HS6ST3: variants seen among roughly 807,000 people sequenced by gnomAD.
HS6ST3 encodes the protein heparan-sulfate 6-O-sulfotransferase 3.
A neutral mutation model predicts 36.7 loss-of-function variants in HS6ST3; 12 were observed. The observed-to-expected ratio is 0.33, with a 90% confidence interval of 0.21 to 0.53. The LOEUF is 0.53. Ranked by LOEUF, HS6ST3 falls within the 20% of genes least tolerant of loss-of-function variation. The pLI, the probability that HS6ST3 is intolerant of heterozygous loss-of-function variation, is 0.95. For synonymous variants in HS6ST3, 240 were observed against 257.5 expected (o/e 0.93, Z 0.65); for missense variants, 584 against 640.9 (o/e 0.91, Z 0.96).
intron 1 of HS6ST3, among the ~76,000 whole-genome samples, chr13:96,739,751 C>A (rs1876387517): frequency 6.6e-6 from 1 of 152,158 alleles, no homozygotes; most frequent in Non-Finnish European, 1.5e-5. Flanking sequence ...AACAAAGCAT[C>A]CAGCGCAGCC....
chr13:96,338,502 C>T (rs1034655146), intron 1 of HS6ST3, among the ~76,000 whole-genome samples: 1 of 152,184 alleles, frequency 6.6e-6, no homozygotes, highest in African/African-American at 2.4e-5. Context: ...GAGGGGCAGT[C>T]ACCTGGCCAA....
intron 1 of HS6ST3, among the ~76,000 whole-genome samples, chr13:96,112,332 A>G (rs1293583155): frequency 1.3e-5 from 2 of 151,958 alleles, no homozygotes; most frequent in African/African-American, 4.8e-5. Flanking sequence ...CTTTGGGATA[A>G]TGTAAAATTG....
intron 1 of HS6ST3, among the ~76,000 whole-genome samples, chr13:96,659,694 T>C (rs2056639523): frequency 6.6e-6 from 1 of 152,098 alleles, no homozygotes; most frequent in Non-Finnish European, 1.5e-5. Flanking sequence ...TGGGGCAATG[T>C]TCATTTTTTT....
intron 1 of HS6ST3, among the ~76,000 whole-genome samples, chr13:96,771,364 T>G (rs2138507439): frequency 1.3e-5 from 2 of 152,160 alleles, no homozygotes; most frequent in African/African-American, 4.8e-5. Context: ...GGCACATGTA[T>G]ACATATGTAA....
At chr13:96,649,757 A>C (rs1424757576) in intron 1 of HS6ST3, among the ~76,000 whole-genome samples, 2 of 151,934 alleles carry the variant, frequency 1.3e-5, no homozygotes, top group African/African-American at 4.8e-5. Flanking sequence ...ATGTACACTC[A>C]AAGTAAAATT....
intron 1 of HS6ST3, among the ~76,000 whole-genome samples, chr13:96,604,255 A>T (rs2056431039): frequency 6.6e-6 from 1 of 152,292 alleles, no homozygotes. Context: ...TAATTTTTTC[A>T]CACTGTAGAA....
At chr13:96,775,959 G>A (rs995148266) in intron 1 of HS6ST3, among the ~76,000 whole-genome samples, 5 of 151,998 alleles carry the variant, frequency 3.3e-5, no homozygotes, top group Admixed American at 6.6e-5. Context: ...TCCTCAGCAA[G>A]TGCAAAAGAA....
At chr13:96,637,182 G>C (rs1240144188) in intron 1 of HS6ST3, among the ~76,000 whole-genome samples, 1 of 152,028 alleles carries the variant, frequency 6.6e-6, no homozygotes, top group Non-Finnish European at 1.5e-5. Flanking sequence ...TTGTTAGTTG[G>C]AGAGAGGCCC....
chr13:96,204,435 A>G (rs2054359328), intron 1 of HS6ST3, among the ~76,000 whole-genome samples: 2 of 152,160 alleles, frequency 1.3e-5, no homozygotes, highest in South Asian at 2.1e-4. Flanking sequence ...ACAATATTAG[A>G]CAGATCATTG....
intron 1 of HS6ST3, among the ~76,000 whole-genome samples, chr13:96,500,829 A>G (rs1483729250): frequency 1.3e-5 from 2 of 152,230 alleles, no homozygotes; most frequent in African/African-American, 4.8e-5. Context: ...TTAAAATGTA[A>G]TGCTCTAATA....
chr13:96,419,573 G>A (rs1461546885), intron 1 of HS6ST3, among the ~76,000 whole-genome samples: 1 of 152,180 alleles, frequency 6.6e-6, no homozygotes, highest in Non-Finnish European at 1.5e-5. Context: ...TTCAAGGGCT[G>A]CCATAACAAA....
rs568459198 is a variant in HS6ST3, at chr13:96,507,979, G to A, written c.708-324511G>A. 1.7e-4 allele frequency among the ~76,000 whole-genome samples: 26 copies of A among 152,162 alleles called. No homozygotes were observed. In the South Asian group the frequency reaches 5.2e-3, roughly 30 times the overall value. On this transcript the variant is annotated intron_variant, in intron 1 of 1. Transcript: ENST00000376705. ...AAAGTGTCTAAGGTTAAAAATAAGAGTGACGAAGAACTTTAAGAGTTGAAA... is the reference window on the plus strand; with the variant it reads ...AAAGTGTCTAAGGTTAAAAATAAGAATGACGAAGAACTTTAAGAGTTGAAA...
At chr13:96,759,270 T>C (rs940030506) in intron 1 of HS6ST3, among the ~76,000 whole-genome samples, 2 of 151,904 alleles carry the variant, frequency 1.3e-5, no homozygotes, top group Non-Finnish European at 2.9e-5. Context: ...TTAATTGTAG[T>C]GTTTAGTCCA....
At chr13:96,322,131 C>T (rs1050155872) in intron 1 of HS6ST3, among the ~76,000 whole-genome samples, 15 of 152,298 alleles carry the variant, frequency 9.8e-5, no homozygotes, top group African/African-American at 3.1e-4. Flanking sequence ...AATCCCTCAA[C>T]CTAATTGGTA....
chr13:96,749,242 G>A (rs918543664), intron 1 of HS6ST3, among the ~76,000 whole-genome samples: 1 of 151,958 alleles, frequency 6.6e-6, no homozygotes, highest in African/African-American at 2.4e-5. Context: ...AATACTTTGT[G>A]CCTAATAAAA....
chr13:96,569,459 C>T (rs1033624824), intron 1 of HS6ST3, among the ~76,000 whole-genome samples: 7 of 152,134 alleles, frequency 4.6e-5, no homozygotes, highest in African/African-American at 7.2e-5. Context: ...ATCATTGATC[C>T]AGCCCTCAGC....
chr13:96,304,948 C>T (rs1487435251), intron 1 of HS6ST3, among the ~76,000 whole-genome samples: 1 of 151,774 alleles, frequency 6.6e-6, no homozygotes, highest in Admixed American at 6.6e-5. Context: ...ACCTTGTGAT[C>T]CACCTGCCTC....
chr13:96,520,652 GT>G (rs1225202758), intron 1 of HS6ST3, among the ~76,000 whole-genome samples: 1 of 152,094 alleles, frequency 6.6e-6, no homozygotes, highest in Admixed American at 6.5e-5. Context: ...CTGTTTCTCT[GT>G]TATTGGTGTA....
chr13:96,404,532 T>C (rs186377109), intron 1 of HS6ST3, among the ~76,000 whole-genome samples: 2 of 152,192 alleles, frequency 1.3e-5, no homozygotes, highest in African/African-American at 2.4e-5. Context: ...TAGGGAAAAA[T>C]GTTAGAGTGA....
Sources: gnomAD v4.1 joint callset for allele counts (sites outside exome capture counted in the v4.1 genomes callset) on GRCh38, gnomAD v4.1.1 for gene constraint, MANE v1.5 for transcripts, NCBI Gene and HGNC (gene_info 2026-07-23, HGNC 2026-07-21) for gene names.